HERC1: variants seen among roughly 807,000 people sequenced by gnomAD.
The protein encoded by HERC1 is probable E3 ubiquitin-protein ligase HERC1.
A neutral mutation model predicts 554.3 loss-of-function variants in HERC1; 160 were observed. The observed-to-expected ratio is 0.29, with a 90% CI of 0.25 to 0.33. The LOEUF (loss-of-function observed/expected upper bound fraction) is 0.33. HERC1 is among the 10% of genes least tolerant of loss of function. HERC1 has a pLI of 1.00. For missense variants in HERC1, 4,919 were observed against 5,918.5 expected (o/e 0.83, Z 5.54); for synonymous variants, 2,175 against 2,131.7 (o/e 1.02, Z -0.56).
At chr15:63,800,191 G>C (rs1567140172) in intron 1 of HERC1, among the ~76,000 whole-genome samples, 1 of 152,024 alleles carries the variant, frequency 6.6e-6, no homozygotes, top group Admixed American at 6.6e-5. Flanking sequence ...CTCCACTAAT[G>C]CATTTGTTAA....
At chr15:63,688,902 G>A (rs574882000) in intron 33 of HERC1, among the ~76,000 whole-genome samples, 6 of 152,304 alleles carry the variant, frequency 3.9e-5, no homozygotes, top group African/African-American at 9.6e-5. Context: ...AAGGGTTTGA[G>A]GGGGAGACAC....
rs780420408 is a variant in HERC1 at position 63,775,276 on chromosome 15, T to G, written c.348A>C (p.Ala116=). 2 of 1,614,052 alleles carry G rather than the reference T, an allele frequency of 1.2e-6. No individual in the cohort carries two copies. Among genetic ancestry groups the G allele is most frequent in the South Asian group, 2.2e-5 (2 of 91,078 alleles). The stretch of plus-strand genomic sequence containing the variant: ...CTTTGTCATGGTATTTATTAGAAAG[T>G]GCATAAAAGACACGCTGGAGTACAA... ...RLLVLQRVFY[A]LSNKYHDKGK... Residue 116 remains alanine, a synonymous_variant, in exon 2 of 78, where the codon GCA becomes GCC. Coordinates refer to ENST00000443617, the MANE Select transcript of HERC1 (RefSeq NM_003922.4). The surrounding 1 kb of genome is among the most constrained non-coding windows in gnomAD (Gnocchi z 4.0).
chr15:63,699,043 C>T (rs772018699), intron 25 of HERC1, 47 bp from the exon 26 acceptor site: 2 of 1,510,800 alleles, frequency 1.3e-6, no homozygotes, highest in Non-Finnish European at 1.8e-6. Flanking sequence ...TCAAGTAGAG[C>T]ATACATTCTG....
At chr15:63,754,196 TAAAACATATATATGTC>T (rs1318558576) in intron 7 of HERC1, among the ~76,000 whole-genome samples, 3 of 150,748 alleles carry the variant, frequency 2.0e-5, no homozygotes, top group African/African-American at 7.3e-5. Flanking sequence ...ACTATTAGAG[TAAAACATATATATGTC>T]AAAACATATA....
At chr15:63,739,915 A>AT (rs1160140622) in intron 12 of HERC1, among the ~76,000 whole-genome samples, 191 of 147,314 alleles carry the variant, frequency 1.3e-3, no homozygotes, top group East Asian at 5.8e-3. Context: ...AGCATATTTT[A>AT]TTTTTTTTTT....
At position 63,612,339 on chromosome 15, in the gene HERC1, A is replaced by T. The variant is rs1384689260; in HGVS notation, c.14312T>A (p.Leu4771His). The change falls in exon 77 of 78, where the codon CTT becomes CAT. Residue 4771 changes from leucine (L) to histidine (H), a missense_variant. Physicochemically the swap from Leu to His is moderately conservative, Grantham distance 99 (BLOSUM62 -3). Coordinates refer to ENST00000443617, the MANE Select transcript of HERC1 (RefSeq NM_003922.4). This position sits in a 1 kb window ranked among gnomAD's most constrained non-coding sequence, Gnocchi z 5.0. ...LEEFSNEERVLFMRFVSGRSR... is the reference protein window; with the variant it reads ...LEEFSNEERVHFMRFVSGRSR... Reference sequence around the variant, plus strand: ...TCTTCCTGACACAAACCTCATGAAAAGCACCCGCTCCTCATTGGAGAACTC... The same window carrying T: ...TCTTCCTGACACAAACCTCATGAAATGCACCCGCTCCTCATTGGAGAACTC... The T allele has an allele frequency of 5.6e-6, 9 of 1,613,898 alleles. No homozygotes were observed. The highest frequency in any genetic ancestry group is 7.6e-6 in the Non-Finnish European group (9 of 1,179,890).
Position 63,645,484 on chromosome 15 carries a change from T to C in HERC1, c.11077A>G (p.Thr3693Ala). The change falls in exon 56 of 78, where the codon ACT becomes GCT. Residue 3693 changes from threonine to alanine, a missense_variant and splice_region_variant. Coordinates refer to ENST00000443617, the MANE Select transcript of HERC1 (RefSeq NM_003922.4). The part of the protein sequence containing the change: ...KGSKLQLLMA[T>A]GCQSGLVCVW... Reference sequence around the variant, plus strand: ...TATAGATGCAAATTGACAACATACGTAGCCATCAGTAACTGCAACTTGGAT... The same window carrying C: ...TATAGATGCAAATTGACAACATACGCAGCCATCAGTAACTGCAACTTGGAT... 6.2e-7 allele frequency: 1 copy of C among 1,608,604 alleles called. No individual in the cohort carries two copies. The highest frequency in any genetic ancestry group is 2.2e-5 in the East Asian group (1 of 44,842).
At chr15:63,615,605 G>A (rs2067781727) in intron 76 of HERC1, among the ~76,000 whole-genome samples, 163 bp downstream of exon 76, 1 of 152,200 alleles carries the variant, frequency 6.6e-6, no homozygotes, top group South Asian at 2.1e-4. Flanking sequence ...GTGAGGTGCT[G>A]TCTCAAAAAT....
rs765113333 is a variant in HERC1, at chr15:63,663,173, C to A, written c.8712G>T (p.Arg2904Ser). ...AGLYRSVQAH[R>S]NQSRREGISL... ...ATATTCCTTCTCTCCGACTTTGATT[C>A]CTGTGGGCCTGCACAGAGCGGTATA... The change falls in exon 44 of 78, where the codon AGG (arginine) becomes AGT (serine). Residue 2904 changes from arginine to serine, a missense_variant. Arg to Ser is a moderately radical substitution (Grantham distance 110). Coordinates refer to ENST00000443617, the MANE Select transcript of HERC1 (RefSeq NM_003922.4). 1 of 1,614,014 alleles carries A rather than the reference C, an allele frequency of 6.2e-7. No individual in the cohort carries two copies. Among genetic ancestry groups the A allele is most frequent in the Non-Finnish European group, 8.5e-7 (1 of 1,179,884 alleles).
At chr15:63,658,417 A>C in intron 48 of HERC1, 127 bp downstream of exon 48, 1 of 691,268 alleles carries the variant, frequency 1.4e-6, no homozygotes, top group African/African-American at 1.8e-5. Context: ...TACGTCTAAC[A>C]TCTTTCATTC....
intron 1 of HERC1, among the ~76,000 whole-genome samples, chr15:63,829,909 A>G (rs997764060): frequency 2.6e-5 from 4 of 152,170 alleles, no homozygotes; most frequent in Non-Finnish European, 5.9e-5. Flanking sequence ...TATAATCCAT[A>G]GAAAATAGAG....
rs2072173230 is a variant in HERC1, at chr15:63,692,654, G to T, written c.5675-88C>A. ...ATAATTTACCTTGAAACTGCAGTAAGCACAAATCTAATGCAAAATCTTAGG... is the reference window on the plus strand; with the variant it reads ...ATAATTTACCTTGAAACTGCAGTAATCACAAATCTAATGCAAAATCTTAGG... On this transcript the variant is annotated intron_variant, in intron 30 of 77. Transcript: ENST00000443617. This position sits in a 1 kb window ranked among gnomAD's most constrained non-coding sequence, Gnocchi z 4.7. The T allele has an allele frequency of 8.9e-7, 1 of 1,125,404 alleles. No individual in the cohort carries two copies. The allele number at this position is 1,125,404 out of a possible 1,614,324, so 69.7% of individuals were successfully genotyped here. A position where few individuals can be genotyped will look rare whatever the true frequency, so the allele number is the denominator to read the frequency against.
chr15:63,731,886 A>C (rs1055804496), intron 14 of HERC1, among the ~76,000 whole-genome samples: 1 of 152,174 alleles, frequency 6.6e-6, no homozygotes, highest in African/African-American at 2.4e-5. Flanking sequence ...GTCTTACATC[A>C]CAGATTGGTA....
intron 70 of HERC1, 137 bp from the exon 71 acceptor site, chr15:63,626,291 C>G (rs990544655): frequency 2.5e-6 from 2 of 800,628 alleles, no homozygotes; most frequent in African/African-American, 3.5e-5. Flanking sequence ...TCCATCGATT[C>G]ATCTTAGTTT....
rs767627559 is a variant in HERC1 at position 63,734,597 on chromosome 15, G to T, written c.2646+127C>A. The T allele has an allele frequency of 1.6e-5, 11 of 689,206 alleles. No homozygotes were observed. The highest frequency in any genetic ancestry group is 2.3e-5 in the Non-Finnish European group (10 of 443,444). The allele number at this position is 689,206 out of a possible 1,614,324, so 42.7% of individuals were successfully genotyped here. ...GTTAAGACAACTGGGAATTCTTCCA[G>T]CACAACACATTAACCCATCAAGTAC... On this transcript the variant is annotated intron_variant, in intron 13 of 77. Transcript: ENST00000443617. The surrounding 1 kb of genome is among the most constrained non-coding windows in gnomAD (Gnocchi z 4.6).
intron 69 of HERC1, among the ~76,000 whole-genome samples, chr15:63,630,201 G>C (rs74018152): frequency 6.6e-6 from 1 of 152,134 alleles, no homozygotes; most frequent in African/African-American, 2.4e-5. Context: ...AGTGTATGAG[G>C]ACACACACAT....
intron 39 of HERC1, among the ~76,000 whole-genome samples, chr15:63,672,261 C>G: frequency 6.6e-6 from 1 of 152,246 alleles, no homozygotes; most frequent in Middle Eastern, 3.4e-3. Flanking sequence ...CTGGTCAGCA[C>G]GACAGCTGAT....
chr15:63,613,328 T>C (rs1194611602), intron 76 of HERC1, among the ~76,000 whole-genome samples: 4 of 152,196 alleles, frequency 2.6e-5, no homozygotes, highest in African/African-American at 4.8e-5. Flanking sequence ...CACAGGCAAG[T>C]TGGGGAGTGC....
chr15:63,644,921 A>G, intron 57 of HERC1, 71 bp downstream of exon 57: 1 of 1,178,574 alleles, frequency 8.5e-7, no homozygotes, highest in Non-Finnish European at 1.3e-6. Flanking sequence ...TTTAGTAACC[A>G]AGGGAGAATG....
Sources: gnomAD v4.1 joint callset for allele counts (sites outside exome capture counted in the v4.1 genomes callset) on GRCh38, gnomAD v4.1.1 for gene constraint, Gnocchi (gnomAD v3.1) non-coding constraint, MANE v1.5 for transcripts, NCBI Gene and HGNC (gene_info 2026-07-23, HGNC 2026-07-21) for gene names.